DOCK1: variants seen among roughly 807,000 people sequenced by gnomAD.
DOCK1 encodes the protein dedicator of cytokinesis 1.
In DOCK1, 138 loss-of-function variants were observed where a neutral mutation model predicts 262.7. That is an observed-to-expected ratio of 0.53 (90% CI 0.46 to 0.61). The LOEUF (loss-of-function observed/expected upper bound fraction) is 0.61, where lower values mean the gene tolerates loss of function less well. Ranked by LOEUF, DOCK1 falls within the 20% of genes least tolerant of loss-of-function variation. The pLI, the probability that DOCK1 is intolerant of heterozygous loss-of-function variation, is 0.00. For synonymous variants in DOCK1, 866 were observed against 867.4 expected, an observed-to-expected ratio of 1.00 and a Z score of 0.03; for missense variants, 1,908 against 2,370.7, an observed-to-expected ratio of 0.80 and a Z score of 4.05.
intron 23 of DOCK1, among the ~76,000 whole-genome samples, chr10:127,076,791 G>A (rs11016043): frequency 0.23 from 35,713 of 152,108 alleles, 4,535 homozygotes; most frequent in Middle Eastern, 0.35. Flanking sequence ...GGGGGGCTCC[G>A]TCATCTACCC....
intron 23 of DOCK1, among the ~76,000 whole-genome samples, chr10:127,077,525 A>G (rs142333559): frequency 6.2e-4 from 94 of 152,300 alleles, no homozygotes; most frequent in African/African-American, 2.1e-3. Context: ...GTGTTTTAAT[A>G]TACGTGCGCT....
At chr10:127,076,618 C>T (rs2046571656) in intron 23 of DOCK1, among the ~76,000 whole-genome samples, 1 of 152,188 alleles carries the variant, frequency 6.6e-6, no homozygotes, top group Non-Finnish European at 1.5e-5. Flanking sequence ...AGGGTTCCTG[C>T]AGCATATGCA....
intron 27 of DOCK1, among the ~76,000 whole-genome samples, chr10:127,230,600 C>G (rs1477177378): frequency 2.6e-5 from 4 of 152,104 alleles, no homozygotes; most frequent in Non-Finnish European, 5.9e-5. Context: ...TCCAGGCTCT[C>G]TATCCTGTTT....
intron 33 of DOCK1, among the ~76,000 whole-genome samples, chr10:127,368,634 G>T (rs1256377879): frequency 6.6e-6 from 1 of 152,064 alleles, no homozygotes; most frequent in Non-Finnish European, 1.5e-5. Flanking sequence ...AGGCATTGGG[G>T]TCTTCGCGCC....
chr10:126,914,693 A>G (rs549493301), intron 1 of DOCK1, among the ~76,000 whole-genome samples: 13 of 152,362 alleles, frequency 8.5e-5, no homozygotes, highest in Non-Finnish European at 1.6e-4. Context: ...TGGTTACACT[A>G]GGTAAACTTA....
chr10:127,423,058 A>G (rs1389580229), intron 46 of DOCK1, among the ~76,000 whole-genome samples: 1 of 152,216 alleles, frequency 6.6e-6, no homozygotes, highest in Admixed American at 6.5e-5. Context: ...CATTAAATCA[A>G]AGAGTGATGA....
intron 13 of DOCK1, among the ~76,000 whole-genome samples, chr10:127,022,068 G>T (rs188791599): frequency 6.6e-5 from 10 of 152,104 alleles, no homozygotes; most frequent in Admixed American, 6.5e-4. Flanking sequence ...AGTTCTCCCA[G>T]TTGGGCCATT....
At chr10:127,139,547 A>G (rs1185318357) in intron 27 of DOCK1, among the ~76,000 whole-genome samples, 1 of 152,194 alleles carries the variant, frequency 6.6e-6, no homozygotes, top group Non-Finnish European at 1.5e-5. Flanking sequence ...TTGCTAATCC[A>G]GACTACGTGA....
At chr10:127,157,863 A>G (rs888562007) in intron 27 of DOCK1, among the ~76,000 whole-genome samples, 1 of 152,232 alleles carries the variant, frequency 6.6e-6, no homozygotes, top group Non-Finnish European at 1.5e-5. Flanking sequence ...TAATTTGTGA[A>G]TAAAATTTAA....
intron 1 of DOCK1, among the ~76,000 whole-genome samples, chr10:126,906,684 GC>G (rs1417907753): frequency 6.6e-6 from 1 of 152,218 alleles, no homozygotes; most frequent in African/African-American, 2.4e-5. Flanking sequence ...TGCTGGACCT[GC>G]CCGACCCTCT....
chr10:127,159,761 G>C (rs1262793511), intron 27 of DOCK1, among the ~76,000 whole-genome samples: 1 of 152,196 alleles, frequency 6.6e-6, no homozygotes, highest in Non-Finnish European at 1.5e-5. Context: ...GCCCATGGCA[G>C]AGCTGGTGCT....
Position 127,271,617 on chromosome 10 carries a change from TGGGTCTTTGGCACTG to T in DOCK1, c.3044+14192_3044+14206del, listed in dbSNP as rs774919070. Among the ~76,000 whole-genome samples the T allele has an allele frequency of 1.7e-4, 26 of 152,342 alleles. No individual in the cohort carries two copies. In the Middle Eastern group the frequency reaches 0.01, roughly 60 times the overall value. On this transcript the variant is annotated intron_variant, in intron 29 of 51. Transcript: ENST00000623213. ...ATGTGCGATTTTGTGCATTTGTGCATGGGTCTTTGGCACTGGGGGGGATATCTCTTCTGAACATTT... is the reference window on the plus strand; with the variant it reads ...ATGTGCGATTTTGTGCATTTGTGCATGGGGGGATATCTCTTCTGAACATTT...
chr10:127,119,443 G>A, intron 25 of DOCK1, among the ~76,000 whole-genome samples: 1 of 152,198 alleles, frequency 6.6e-6, no homozygotes, highest in Non-Finnish European at 1.5e-5. Context: ...TGTGAAGTGT[G>A]GGGCTAAGGA....
intron 22 of DOCK1, among the ~76,000 whole-genome samples, chr10:127,053,222 A>G (rs760107593): frequency 6.6e-5 from 10 of 152,344 alleles, no homozygotes; most frequent in Non-Finnish European, 1.2e-4. Context: ...CACGCCTGTA[A>G]TCCCAGCTAC....
At chr10:127,043,201 T>G (rs1414447144) in intron 21 of DOCK1, 37 bp downstream of exon 21, 1 of 1,471,734 alleles carries the variant, frequency 6.8e-7, no homozygotes, top group Admixed American at 1.9e-5. Flanking sequence ...AATACTTCTT[T>G]TTTTGGTATT....
At chr10:127,304,270 A>T (rs1006444420) in intron 29 of DOCK1, among the ~76,000 whole-genome samples, 4 of 152,102 alleles carry the variant, frequency 2.6e-5, no homozygotes, top group African/African-American at 9.7e-5. Flanking sequence ...CCATTCCAGG[A>T]GTGTTACCCT....
At chr10:127,154,180 C>T (rs747995334) in intron 27 of DOCK1, among the ~76,000 whole-genome samples, 2 of 152,114 alleles carry the variant, frequency 1.3e-5, no homozygotes, top group Admixed American at 6.5e-5. Context: ...AATATGATTT[C>T]GTTATAAGCA....
intron 29 of DOCK1, among the ~76,000 whole-genome samples, chr10:127,316,799 G>A (rs1288950372): frequency 6.6e-6 from 1 of 152,132 alleles, no homozygotes; most frequent in Non-Finnish European, 1.5e-5. Flanking sequence ...TCCCCTTGCT[G>A]CAAACACCTG....
intron 46 of DOCK1, among the ~76,000 whole-genome samples, chr10:127,424,722 A>AT (rs1252489979): frequency 2.6e-5 from 4 of 152,220 alleles, no homozygotes; most frequent in Admixed American, 2.6e-4. Flanking sequence ...CATAGGGAAT[A>AT]TTAAAACATC....
Sources: gnomAD v4.1 joint callset for allele counts (sites outside exome capture counted in the v4.1 genomes callset) on GRCh38, gnomAD v4.1.1 for gene constraint, MANE v1.5 for transcripts, NCBI Gene and HGNC (gene_info 2026-07-23, HGNC 2026-07-21) for gene names.